The following MORN3 variants were observed in gnomAD, a reference collection of about 807,000 sequenced individuals.
The protein encoded by MORN3 is MORN repeat-containing protein 3.
MORN3 carries 38 observed loss-of-function variants against 34.7 expected under a neutral mutation model. The observed-to-expected ratio is 1.10, with a 90% CI of 0.85 to 1.44. The LOEUF (loss-of-function observed/expected upper bound fraction) is 1.44, where lower values mean the gene tolerates loss of function less well. MORN3 is among the 40% of genes most tolerant of loss of function. The pLI is 0.00. For missense variants in MORN3, 311 were observed against 321.7 expected (o/e 0.97, Z 0.25); for synonymous variants, 109 against 115.3 (o/e 0.95, Z 0.35).
intron 1 of MORN3, among the ~76,000 whole-genome samples, chr12:121,665,417 A>G (rs1893721927): frequency 6.9e-6 from 1 of 144,600 alleles, no homozygotes. Flanking sequence ...CAGCCTCCTC[A>G]GTAGCTGGGA....
intron 2 of MORN3, among the ~76,000 whole-genome samples, chr12:121,656,181 C>T (rs782244881): frequency 1.7e-4 from 26 of 152,204 alleles, no homozygotes; most frequent in Non-Finnish European, 3.4e-4. Flanking sequence ...AACTCTTCTC[C>T]TCACTCCTGT....
chr12:121,659,434 A>G (rs2136874416), intron 1 of MORN3, 86 bp from the exon 2 acceptor site: 1 of 1,423,748 alleles, frequency 7.0e-7, no homozygotes, highest in Non-Finnish European at 9.8e-7. Context: ...GGGGCCCCCA[A>G]CTAGACGAAT....
At chr12:121,666,702 T>C (rs1485921505) in intron 1 of MORN3, among the ~76,000 whole-genome samples, 3 of 152,058 alleles carry the variant, frequency 2.0e-5, no homozygotes, top group Non-Finnish European at 4.4e-5. Context: ...AATAATTTGC[T>C]TTTATGGGGT....
chr12:121,669,218 C>G (rs1342751638), intron 1 of MORN3, 121 bp downstream of exon 1: 3 of 1,374,340 alleles, frequency 2.2e-6, no homozygotes, highest in African/African-American at 2.9e-5. Flanking sequence ...AGCGCTCACC[C>G]TGGGGGAGCC....
intron 1 of MORN3, among the ~76,000 whole-genome samples, chr12:121,662,838 C>T (rs1893626034): frequency 1.3e-5 from 2 of 151,520 alleles, no homozygotes; most frequent in Admixed American, 1.3e-4. Context: ...GTCAGGAGTT[C>T]AAGAACAGCC....
upstream of MORN3, among the ~76,000 whole-genome samples, chr12:121,671,179 G>C (rs1893956275): frequency 6.6e-6 from 1 of 150,722 alleles, no homozygotes; most frequent in Non-Finnish European, 1.5e-5. Context: ...AGGCCGAGGC[G>C]GGTGGATCAC....
upstream of MORN3, among the ~76,000 whole-genome samples, chr12:121,672,089 G>C (rs574381156): frequency 3.4e-4 from 52 of 152,218 alleles, no homozygotes; most frequent in South Asian, 2.1e-3. Flanking sequence ...GTTCTACTCC[G>C]GAGGAGGCTG....
At chr12:121,666,534 G>C (rs184304058) in intron 1 of MORN3, among the ~76,000 whole-genome samples, 2 of 152,156 alleles carry the variant, frequency 1.3e-5, no homozygotes, top group Non-Finnish European at 2.9e-5. Context: ...AGGAAGTGAA[G>C]AGGATTCCTC....
intron 1 of MORN3, 113 bp downstream of exon 1, chr12:121,669,226 G>T: frequency 1.4e-6 from 2 of 1,411,014 alleles, no homozygotes; most frequent in Non-Finnish European, 1.9e-6. Flanking sequence ...CCCTGGGGGA[G>T]CCTTGGGGAC....
intron 1 of MORN3, among the ~76,000 whole-genome samples, chr12:121,660,169 GGTTGCAGTGAGCCGAGATGACGTC>G (rs200337746): frequency 0.033 from 5,033 of 151,180 alleles, 216 homozygotes; most frequent in East Asian, 0.13. Flanking sequence ...GGGAGGCGTG[GGTTGCAGTGAGCCGAGATGACGTC>G]GTTGCAGTGA....
intron 1 of MORN3, among the ~76,000 whole-genome samples, chr12:121,661,265 T>C (rs2136876904): frequency 6.6e-6 from 1 of 152,234 alleles, no homozygotes; most frequent in South Asian, 2.1e-4. Context: ...GGCATTTCTT[T>C]CTTTTTAGAG....
At chr12:121,654,531 TCTTC>T in intron 2 of MORN3, 98 bp from the exon 3 acceptor site, 2 of 1,279,588 alleles carry the variant, frequency 1.6e-6, no homozygotes, top group Non-Finnish European at 1.1e-6. Context: ...CACCCCAGCT[TCTTC>T]CTTCTTCCTC....
At chr12:121,659,488 G>T in intron 1 of MORN3, 140 bp from the exon 2 acceptor site, 2 of 726,990 alleles carry the variant, frequency 2.8e-6, no homozygotes, top group Non-Finnish European at 2.3e-6. Context: ...TAGACACCAA[G>T]TACCCAGGAG....
chr12:121,649,348 C>T lies in MORN3; in HGVS notation c.*2303G>A, dbSNP rs1242187744. The T allele has an allele frequency of 6.6e-6, 1 of 152,182 alleles. No homozygotes were observed. The highest frequency in any genetic ancestry group is 1.5e-5 in the Non-Finnish European group (1 of 68,064). 9.4% of individuals were successfully genotyped at this position (152,182 alleles called of 1,614,324 possible). On this transcript the variant is annotated 3_prime_UTR_variant, in exon 6 of 6. Coordinates refer to ENST00000355329, the MANE Select transcript of MORN3 (RefSeq NM_173855.5). ...AGTACTAGCTTGATGACTTGTGATC[C>T]TCCCTGAACCTGTTTCCTCCTCTAA...
intron 1 of MORN3, among the ~76,000 whole-genome samples, chr12:121,664,946 C>T (rs1012903038): frequency 1.3e-5 from 2 of 150,506 alleles, no homozygotes; most frequent in Non-Finnish European, 2.9e-5. Context: ...TCTCCTACCG[C>T]AGGCAAATGC....
intron 1 of MORN3, among the ~76,000 whole-genome samples, chr12:121,663,447 C>T (rs879877328): frequency 6.6e-6 from 1 of 152,202 alleles, no homozygotes; most frequent in Non-Finnish European, 1.5e-5. Flanking sequence ...ATCCACCCAT[C>T]TCAGCCTCCC....
At chr12:121,668,892 T>C (rs766118878) in intron 1 of MORN3, among the ~76,000 whole-genome samples, 1 of 152,130 alleles carries the variant, frequency 6.6e-6, no homozygotes, top group South Asian at 2.1e-4. Context: ...AGCTCCTCCT[T>C]GTGGGATGGA....
At chr12:121,652,898 G>T in intron 4 of MORN3, 90 bp from the exon 5 acceptor site, 1 of 1,497,572 alleles carries the variant, frequency 6.7e-7, no homozygotes, top group Non-Finnish European at 9.2e-7. Context: ...GTGGGGTGCT[G>T]CCAGCCTCAT....
intron 1 of MORN3, 42 bp from the exon 2 acceptor site, chr12:121,659,390 G>T (rs757091212): frequency 4.4e-6 from 7 of 1,599,644 alleles, no homozygotes; most frequent in Non-Finnish European, 6.0e-6. Context: ...CATGGCCGCC[G>T]GGGGGTGGGG....
Sources: allele counts gnomAD v4.1 joint callset (sites outside exome capture counted in the v4.1 genomes callset), GRCh38; gene constraint gnomAD v4.1.1; transcripts MANE v1.5; gene names NCBI Gene and HGNC (gene_info 2026-07-23, HGNC 2026-07-21).